Variants in WDR17 observed in about 807,000 individuals in gnomAD.
The protein encoded by WDR17 is WD repeat-containing protein 17.
A neutral mutation model predicts 161.7 loss-of-function variants in WDR17; 143 were observed. That is an observed-to-expected ratio of 0.88 (90% CI 0.77 to 1.02). WDR17 has a LOEUF of 1.02. WDR17 is among the 50% of genes least tolerant of loss of function. The pLI is 0.00. For synonymous variants in WDR17, 517 were observed against 515.6 expected (o/e 1.00, Z -0.04); for missense variants, 1,469 against 1,520.9 (o/e 0.97, Z 0.57).
chr4:176,067,185 AC>A (rs1444988094), intron 1 of WDR17, among the ~76,000 whole-genome samples: 1 of 152,186 alleles, frequency 6.6e-6, no homozygotes, highest in African/African-American at 2.4e-5. Flanking sequence ...GTTATATCTA[AC>A]TGTTTTGAAG....
At chr4:176,166,047 A>G (rs1749729611) in intron 22 of WDR17, 1 of 780,170 alleles carries the variant, frequency 1.3e-6, no homozygotes, top group Admixed American at 3.3e-5. Flanking sequence ...CGCTTTTTTT[A>G]CATTTACTGT....
At chr4:176,121,129 G>A (rs1043318107) in intron 4 of WDR17, among the ~76,000 whole-genome samples, 9 of 152,050 alleles carry the variant, frequency 5.9e-5, no homozygotes, top group Non-Finnish European at 1.0e-4. Context: ...GTTTACGTGG[G>A]GACAGTTTCA....
At chr4:176,165,224 CCAGGCATGGTGG>C (rs1250384972) in intron 22 of WDR17, among the ~76,000 whole-genome samples, 1 of 151,662 alleles carries the variant, frequency 6.6e-6, no homozygotes, top group Non-Finnish European at 1.5e-5. Flanking sequence ...AAAAAATTAG[CCAGGCATGGTGG>C]CAGGCACCTG....
intron 8 of WDR17, among the ~76,000 whole-genome samples, chr4:176,136,086 A>T (rs1472488114): frequency 6.6e-6 from 1 of 151,636 alleles, no homozygotes. Context: ...GTGTGTGTAT[A>T]TACGCCTATA....
intron 18 of WDR17, among the ~76,000 whole-genome samples, chr4:176,156,700 A>G (rs544425500): frequency 1.5e-4 from 23 of 151,680 alleles, no homozygotes; most frequent in Non-Finnish European, 3.1e-4. Flanking sequence ...AAAAATTACC[A>G]TAAAATGGGT....
chr4:176,176,270 G>A (rs1424883143), intron 26 of WDR17, among the ~76,000 whole-genome samples: 6 of 152,208 alleles, frequency 3.9e-5, no homozygotes, highest in Admixed American at 3.9e-4. Context: ...TTTAGGGAAT[G>A]TGTTAGCTTA....
Position 176,131,614 on chromosome 4 carries a change from C to A in WDR17, c.974C>A (p.Pro325His). The change falls in exon 7 of 29, where the codon CCC becomes CAC. Residue 325 changes from proline (P) to histidine (H), a missense_variant. Coordinates refer to ENST00000508596, the MANE Select transcript of WDR17 (RefSeq NM_181265.4). ...TCCTCAACAAGCGAAGCAGTTCCACCCCCAACTTTAACACAGAATCAAGCA... is the reference window on the plus strand; with the variant it reads ...TCCTCAACAAGCGAAGCAGTTCCACACCCAACTTTAACACAGAATCAAGCA... The part of the protein sequence containing the change: ...YTSSTSEAVP[P>H]PTLTQNQAFS... 6.2e-7 allele frequency: 1 copy of A among 1,613,452 alleles called. No individual in the cohort carries two copies. Among genetic ancestry groups the A allele is most frequent in the Non-Finnish European group, 8.5e-7 (1 of 1,179,690 alleles).
intron 10 of WDR17, among the ~76,000 whole-genome samples, chr4:176,140,563 C>A (rs1306155512): frequency 6.6e-6 from 1 of 152,070 alleles, no homozygotes; most frequent in Non-Finnish European, 1.5e-5. Flanking sequence ...GGAAAAAATG[C>A]CTGGTTTAAA....
intron 24 of WDR17, among the ~76,000 whole-genome samples, 188 bp from the exon 25 acceptor site, chr4:176,173,079 T>A (rs565539034): frequency 6.6e-6 from 1 of 152,276 alleles, no homozygotes; most frequent in South Asian, 2.1e-4. Context: ...TGATGTGAAA[T>A]ATGGCATCTC....
chr4:176,131,523 T>C, intron 6 of WDR17, 31 bp from the exon 7 acceptor site: 1 of 1,571,360 alleles, frequency 6.4e-7, no homozygotes, highest in Non-Finnish European at 8.6e-7. Flanking sequence ...GTGGTTTCAT[T>C]CCAATAGGAT....
At chr4:176,160,272 AC>A in intron 19 of WDR17, 146 bp downstream of exon 19, 4 of 752,574 alleles carry the variant, frequency 5.3e-6, no homozygotes, top group African/African-American at 1.8e-5. Context: ...TTCTTTCTCA[AC>A]ATTTGAGAAC....
intron 9 of WDR17, among the ~76,000 whole-genome samples, chr4:176,138,286 A>T (rs1428043515): frequency 2.6e-5 from 4 of 151,774 alleles, no homozygotes; most frequent in Non-Finnish European, 5.9e-5. Context: ...TATTAAGTAT[A>T]TAATTTCTTT....
At chr4:176,091,862 A>C (rs897898862) in intron 1 of WDR17, among the ~76,000 whole-genome samples, 3 of 152,148 alleles carry the variant, frequency 2.0e-5, no homozygotes, top group Admixed American at 6.6e-5. Flanking sequence ...AAATTAGAAA[A>C]CCTAAAAGGA....
At chr4:176,132,826 A>G (rs1743681930) in intron 7 of WDR17, among the ~76,000 whole-genome samples, 1 of 151,896 alleles carries the variant, frequency 6.6e-6, no homozygotes, top group African/African-American at 2.4e-5. Context: ...GGAGAAAAAC[A>G]TAAGAATACA....
intron 6 of WDR17, 76 bp downstream of exon 6, chr4:176,128,936 A>C (rs1579127202): frequency 7.5e-7 from 1 of 1,325,502 alleles, no homozygotes; most frequent in East Asian, 2.7e-5. Context: ...GTATAGTGAG[A>C]TATCAAATAC....
At chr4:176,116,112 T>G in intron 3 of WDR17, 133 bp downstream of exon 3, 1 of 886,374 alleles carries the variant, frequency 1.1e-6, no homozygotes, top group Non-Finnish European at 1.6e-6. Context: ...AGAAATAAAT[T>G]TCACATAATG....
chr4:176,091,754 G>C (rs557796320), intron 1 of WDR17, among the ~76,000 whole-genome samples: 1 of 152,052 alleles, frequency 6.6e-6, no homozygotes, highest in Admixed American at 6.6e-5. Flanking sequence ...TAATAAAAAA[G>C]ACCTAAATAA....
chr4:176,133,280 A>C (rs1039762796), intron 7 of WDR17, among the ~76,000 whole-genome samples: 1 of 141,638 alleles, frequency 7.1e-6, no homozygotes, highest in Non-Finnish European at 1.5e-5. Flanking sequence ...AAAAAGAAGA[A>C]GAAGAAGAAA....
intron 1 of WDR17, among the ~76,000 whole-genome samples, chr4:176,076,277 A>G (rs1734005749): frequency 7.2e-6 from 1 of 139,352 alleles, no homozygotes; most frequent in Non-Finnish European, 1.6e-5. Flanking sequence ...ACATATATAT[A>G]CATGTAAGCA....
Sources: gnomAD v4.1 joint callset for allele counts (sites outside exome capture counted in the v4.1 genomes callset) on GRCh38, gnomAD v4.1.1 for gene constraint, MANE v1.5 for transcripts, NCBI Gene and HGNC (gene_info 2026-07-23, HGNC 2026-07-21) for gene names.